Variants in TET3 observed in about 807,000 individuals in gnomAD.
TET3 encodes the protein methylcytosine dioxygenase TET3.
A neutral mutation model predicts 141.4 loss-of-function variants in TET3; 19 were observed. The observed-to-expected ratio is 0.13, with a 90% CI of 0.09 to 0.20. The LOEUF is 0.20. Ranked by LOEUF, TET3 falls within the 10% of genes least tolerant of loss-of-function variation. The probability of loss-of-function intolerance (pLI) is 1.00; values close to 1 mark genes in which losing one functional copy is unlikely to be tolerated. For missense variants in TET3, 1,874 were observed against 2,356.9 expected, an observed-to-expected ratio of 0.80 and a Z score of 4.24; for synonymous variants, 1,043 against 980.9, an observed-to-expected ratio of 1.06 and a Z score of -1.18.
intron 10 of TET3, among the ~76,000 whole-genome samples, chr2:74,095,654 A>G (rs1406508524): frequency 6.6e-6 from 1 of 152,240 alleles, no homozygotes; most frequent in Non-Finnish European, 1.5e-5. Flanking sequence ...ATGCTGTTCT[A>G]TGACCTGCTT....
chr2:74,076,441 G>GTTTTTTTTTTTTTTTTTTTTT (rs70965785), intron 5 of TET3, among the ~76,000 whole-genome samples: 3 of 56,586 alleles, frequency 5.3e-5, no homozygotes, highest in African/African-American at 6.2e-5. Flanking sequence ...ATTCCTCTGG[G>GTTTTTTTTTTTTTTTTTTTTT]TTTTTTTTTT....
At chr2:73,993,872 A>T (rs1051412171) in intron 2 of TET3, 2 of 152,198 alleles carry the variant, frequency 1.3e-5, no homozygotes, top group African/African-American at 2.4e-5. Flanking sequence ...TGTGCAGAGG[A>T]AGGGGTGTGT....
chr2:74,130,537 G>A, the TET3 span: 1 of 152,262 alleles, frequency 6.6e-6, no homozygotes, highest in Non-Finnish European at 1.5e-5. Flanking sequence ...CACTGCTGGC[G>A]GACTTGAACC....
At chr2:74,112,414 C>T (rs1691725301), downstream of TET3, among the ~76,000 whole-genome samples, 2 of 151,886 alleles carry the variant, frequency 1.3e-5, no homozygotes, top group African/African-American at 4.8e-5. Flanking sequence ...TCCATTAAAA[C>T]ATTTACATAA....
rs551943961 is a variant in TET3, at chr2:74,103,742, T to G, written c.*1566T>G. ...TCAAACTTTGTTGGAGTGTTGGTTT[T>G]TCTTGTGATATTAGCAGAAATGATC... On this transcript the variant is annotated 3_prime_UTR_variant, in exon 12 of 12. Transcript: ENST00000409262. The G allele has an allele frequency of 6.5e-6, 1 of 153,722 alleles. No individual in the cohort carries two copies. Among genetic ancestry groups the G allele is most frequent in the East Asian group, 1.9e-4 (1 of 5,182 alleles). The allele number at this position is 153,722 out of a possible 1,614,324, so 9.5% of individuals were successfully genotyped here. A position where few individuals can be genotyped will look rare whatever the true frequency, so the allele number is the denominator to read the frequency against.
At chr2:74,061,544 G>C (rs1448925700) in intron 4 of TET3, among the ~76,000 whole-genome samples, 1 of 148,318 alleles carries the variant, frequency 6.7e-6, no homozygotes, top group African/African-American at 2.5e-5. Context: ...AGGGGCGGCC[G>C]GGCAGAGGCG....
At chr2:74,037,315 C>T (rs1687122973) in intron 3 of TET3, among the ~76,000 whole-genome samples, 1 of 152,230 alleles carries the variant, frequency 6.6e-6, no homozygotes, top group African/African-American at 2.4e-5. Flanking sequence ...ACAGAACATG[C>T]CATAAATACA....
chr2:74,082,765 C>G (rs1689903546), intron 6 of TET3, among the ~76,000 whole-genome samples: 1 of 152,056 alleles, frequency 6.6e-6, no homozygotes, highest in Admixed American at 6.6e-5. Context: ...AGTTCCACCT[C>G]CTTTGGAAGT....
chr2:74,101,444 C>T lies in TET3; in HGVS notation c.4656C>T (p.Phe1552=). Residue 1552 remains phenylalanine, a synonymous_variant, in exon 12 of 12, where the codon TTC becomes TTT. Transcript: ENST00000409262. The surrounding 1 kb of genome is among the most constrained non-coding windows in gnomAD (Gnocchi z 8.5). ...FNSALKGSPG[F]QDKLWNPMKG... is the part of the protein sequence containing the mutation. ...CGGCCCTGAAAGGTAGTCCTGGGTT[C>T]CAAGACAAGCTGTGGAACCCCATGA... is the stretch of plus-strand genomic sequence containing the variant. 5.6e-6 allele frequency: 9 copies of T among 1,613,868 alleles called. 1 individual carries two copies. In the Middle Eastern group the frequency reaches 5.0e-4, roughly 89 times the overall value.
Position 74,103,718 on chromosome 2 carries a change from C to G in TET3, c.*1542C>G, listed in dbSNP as rs916718715. On this transcript the variant is annotated 3_prime_UTR_variant, in exon 12 of 12. Transcript: ENST00000409262. ...GGAGCAACACTCATCATCACCAAGT[C>G]AAACTTTGTTGGAGTGTTGGTTTTT... 10 of 153,574 alleles carry G rather than the reference C, an allele frequency of 6.5e-5. No individual in the cohort carries two copies. Among genetic ancestry groups the G allele is most frequent in the African/African-American group, 2.2e-4 (9 of 41,544 alleles). The allele number at this position is 153,574 out of a possible 1,614,324, so 9.5% of individuals were successfully genotyped here. A position where few individuals can be genotyped will look rare whatever the true frequency, so the allele number is the denominator to read the frequency against.
rs559906193 is a variant in TET3, at chr2:74,042,629, A to G, written c.361-3649A>G. Among the ~76,000 whole-genome samples, 5 of 152,292 alleles carry G rather than the reference A, an allele frequency of 3.3e-5. No individual in the cohort carries two copies. The South Asian group carries it at 1.0e-3, about 32-fold the overall frequency. On this transcript the variant is annotated intron_variant, in intron 3 of 11. Transcript: ENST00000409262. ...TACTGTCCAATGACCCCATGACTCA[A>G]AGCACTAAGATTGTTTGGATGTTGG... is the stretch of plus-strand genomic sequence containing the variant.
chr2:74,101,278 G>A lies in TET3; in HGVS notation c.4490G>A (p.Gly1497Glu). 1 of 1,612,780 alleles carries A rather than the reference G, an allele frequency of 6.2e-7. No homozygotes were observed. The stretch of plus-strand genomic sequence containing the variant: ...CAGTGGGGGCTGTTCCCCGGTGAGG[G>A]GCAGCAGGCAGCTTCCCACTCTGGA... ...DGQWGLFPGE[G>E]QQAASHSGGR... The change falls in exon 12 of 12, where the codon GGG (glycine) becomes GAG (glutamate). Residue 1497 changes from glycine to glutamate, a missense_variant. Transcript: ENST00000409262. This position sits in a 1 kb window ranked among gnomAD's most constrained non-coding sequence, Gnocchi z 8.5.
chr2:74,007,075 T>C (rs1312849993), intron 3 of TET3, among the ~76,000 whole-genome samples: 6 of 152,220 alleles, frequency 3.9e-5, no homozygotes, highest in Admixed American at 3.9e-4. Flanking sequence ...GAGAAATCAT[T>C]ATTATTTGAT....
Position 74,101,264 on chromosome 2 carries a change from G to A in TET3, c.4476G>A (p.Leu1492=). The change falls in exon 12 of 12, where the codon CTG becomes CTA. Residue 1492 remains leucine (L), a synonymous_variant. Transcript: ENST00000409262. This position sits in a 1 kb window ranked among gnomAD's most constrained non-coding sequence, Gnocchi z 8.5. ...ACTTCACAGATGGCCAGTGGGGGCT[G>A]TTCCCCGGTGAGGGGCAGCAGGCAG... ...PSHFTDGQWG[L]FPGEGQQAAS... 1.2e-6 allele frequency: 2 copies of A among 1,612,548 alleles called. No homozygotes were observed.
At chr2:74,128,065 T>TA in the TET3 span, among the ~76,000 whole-genome samples, 2 of 152,256 alleles carry the variant, frequency 1.3e-5, no homozygotes, top group Non-Finnish European at 2.9e-5. Flanking sequence ...AATGTGTGTA[T>TA]AGAAGCCTTC....
In TET3 at chr2:74,101,323, C is replaced by G; in HGVS notation, c.4535C>G (p.Pro1512Arg). Residue 1512 changes from proline (P) to arginine (R), a missense_variant, in exon 12 of 12, where the codon CCG becomes CGG. Physicochemically the swap from Pro to Arg is moderately radical, Grantham distance 103. Transcript: ENST00000409262. The surrounding 1 kb of genome is among the most constrained non-coding windows in gnomAD (Gnocchi z 8.5). ...TCTGGAGGACGGCTGCGAGGCAAAC[C>G]GTGGAGCCCCTGCAAGTTTGGGAAC... ...SHSGGRLRGK[P>R]WSPCKFGNST... 1 of 1,613,658 alleles carries G rather than the reference C, an allele frequency of 6.2e-7. No homozygotes were observed.
At chr2:74,109,810 C>T (rs1008170986), downstream of TET3, among the ~76,000 whole-genome samples, 8 of 152,146 alleles carry the variant, frequency 5.3e-5, no homozygotes, top group African/African-American at 1.2e-4. Context: ...CCGGCTCATG[C>T]AAGCCAAGCA....
At chr2:74,002,299 G>A (rs895341325) in intron 2 of TET3, among the ~76,000 whole-genome samples, 1 of 152,164 alleles carries the variant, frequency 6.6e-6, no homozygotes, top group Non-Finnish European at 1.5e-5. Context: ...CTTGTGACAG[G>A]GCCCGGTGCC....
chr2:74,108,290 C>T (rs960128869), downstream of TET3: 1 of 153,804 alleles, frequency 6.5e-6, no homozygotes, highest in Non-Finnish European at 1.5e-5. Context: ...ATGAAGCCCT[C>T]ACTAATAGCA....
Sources: allele counts gnomAD v4.1 joint callset (sites outside exome capture counted in the v4.1 genomes callset), GRCh38; gene constraint gnomAD v4.1.1; non-coding constraint Gnocchi (gnomAD v3.1); transcripts MANE v1.5; gene names NCBI Gene and HGNC (gene_info 2026-07-23, HGNC 2026-07-21).